Variants in CCDC148 observed in about 807,000 individuals in gnomAD.
The protein encoded by CCDC148 is coiled-coil domain containing 148, also known as coiled-coil domain-containing protein 148.
A neutral mutation model predicts 85.7 loss-of-function variants in CCDC148; 89 were observed. The ratio of observed to expected loss-of-function variants is 1.04; its 90% CI spans 0.87 to 1.24. The LOEUF is 1.24. Among genes scored for constraint, CCDC148 ranks in the 50% most tolerant of loss-of-function variants. CCDC148 has a pLI of 0.00. For synonymous variants in CCDC148, 230 were observed against 213.9 expected (o/e 1.08, Z -0.66); for missense variants, 692 against 671.7 (o/e 1.03, Z -0.33).
Position 158,214,994 on chromosome 2 carries a change from G to C in CCDC148, c.1370+5601C>G, listed in dbSNP as rs116330639. On this transcript the variant is annotated intron_variant, in intron 11 of 13. Coordinates refer to ENST00000283233, the MANE Select transcript of CCDC148 (RefSeq NM_138803.4). The stretch of plus-strand genomic sequence containing the variant: ...AGAATAGCTAAGATATTTTTGAAAA[G>C]AACAATGAGTGAACACTTGTTCTAC... Among the ~76,000 whole-genome samples the C allele has an allele frequency of 2.7e-3, 405 of 152,068 alleles. 2 individuals carry two copies. The highest frequency in any genetic ancestry group is 9.4e-3 in the African/African-American group (392 of 41,498).
chr2:158,438,599 G>A (rs1687780436), intron 1 of CCDC148, among the ~76,000 whole-genome samples: 1 of 151,994 alleles, frequency 6.6e-6, no homozygotes, highest in South Asian at 2.1e-4. Flanking sequence ...CAAAAGCAAT[G>A]GCAACAAAAG....
At chr2:158,353,474 CAAAG>C (rs1559092730) in intron 2 of CCDC148, among the ~76,000 whole-genome samples, 4 of 142,632 alleles carry the variant, frequency 2.8e-5, no homozygotes, top group African/African-American at 7.4e-5. Context: ...TCAAAAGAGA[CAAAG>C]AAGGCCATTA....
intron 7 of CCDC148, among the ~76,000 whole-genome samples, chr2:158,316,019 A>G (rs1692265828): frequency 6.6e-6 from 1 of 152,142 alleles, no homozygotes; most frequent in Non-Finnish European, 1.5e-5. Context: ...GCACCTCCCA[A>G]CAAATCTCTT....
chr2:158,176,493 C>A, intron 13 of CCDC148, 28 bp downstream of exon 13: 2 of 1,603,824 alleles, frequency 1.2e-6, no homozygotes, highest in South Asian at 1.1e-5. Flanking sequence ...ATGGCTTTTT[C>A]ATCAGTCATG....
At chr2:158,368,427 G>A (rs10933472) in intron 1 of CCDC148, among the ~76,000 whole-genome samples, 26,976 of 152,012 alleles carry the variant, frequency 0.18, 3,921 homozygotes, top group African/African-American at 0.4. Context: ...GAAATTCAAA[G>A]TGGCCACATC....
chr2:158,363,336 C>A (rs1220321764), intron 1 of CCDC148, among the ~76,000 whole-genome samples: 1 of 152,262 alleles, frequency 6.6e-6, no homozygotes, highest in Admixed American at 6.5e-5. Context: ...CATCCTGATA[C>A]CAAAACCTGG....
chr2:158,442,059 A>G (rs1347441458), intron 1 of CCDC148, among the ~76,000 whole-genome samples: 4 of 152,138 alleles, frequency 2.6e-5, no homozygotes, highest in African/African-American at 9.7e-5. Flanking sequence ...TTGTTATTAG[A>G]TTTGGCTGCC....
chr2:158,338,914 A>G lies in CCDC148; in HGVS notation c.583-7T>C. Reference sequence around the variant, plus strand: ...CCAAAGAATGATCTAGAATCTGAAAAAAAGTATATGATTATTTTATTTAAC... The same window carrying G: ...CCAAAGAATGATCTAGAATCTGAAAGAAAGTATATGATTATTTTATTTAAC... On this transcript the variant is annotated splice_region_variant and splice_polypyrimidine_tract_variant and intron_variant, in intron 6 of 13. Transcript: ENST00000283233. 1 of 1,600,476 alleles carries G rather than the reference A, an allele frequency of 6.2e-7. No homozygotes were observed. The highest frequency in any genetic ancestry group is 1.1e-5 in the South Asian group (1 of 88,004).
chr2:158,380,002 G>C (rs933347026), intron 1 of CCDC148, among the ~76,000 whole-genome samples: 12 of 151,978 alleles, frequency 7.9e-5, no homozygotes, highest in African/African-American at 2.9e-4. Context: ...TGCCCAGGCT[G>C]GTCTTGAACT....
At chr2:158,176,149 T>TAATTTATATTATG (rs1222873455) in intron 13 of CCDC148, among the ~76,000 whole-genome samples, 1 of 151,846 alleles carries the variant, frequency 6.6e-6, no homozygotes, top group African/African-American at 2.4e-5. Context: ...TTTATTAATA[T>TAATTTATATTATG]AATTTATATT....
chr2:158,395,301 C>T (rs80245160), intron 1 of CCDC148, among the ~76,000 whole-genome samples: 199 of 152,164 alleles, frequency 1.3e-3, no homozygotes, highest in Non-Finnish European at 2.1e-3. Context: ...TTCCACAGCC[C>T]AGTCACCCCA....
At chr2:158,250,231 A>T (rs1688734234) in intron 10 of CCDC148, among the ~76,000 whole-genome samples, 1 of 152,062 alleles carries the variant, frequency 6.6e-6, no homozygotes, top group South Asian at 2.1e-4. Flanking sequence ...TAGTTTTAAG[A>T]TTGTGCAACA....
intron 9 of CCDC148, among the ~76,000 whole-genome samples, chr2:158,254,094 A>T (rs1688915002): frequency 6.6e-6 from 1 of 151,730 alleles, no homozygotes; most frequent in Non-Finnish European, 1.5e-5. Context: ...AAAATGAGGG[A>T]TAAATTGATA....
chr2:158,201,694 G>C (rs1391418851), intron 11 of CCDC148, among the ~76,000 whole-genome samples: 1 of 152,092 alleles, frequency 6.6e-6, no homozygotes, highest in Non-Finnish European at 1.5e-5. Context: ...TTACAGGTGT[G>C]AGCCACCAAA....
At chr2:158,350,102 C>T (rs897233357) in intron 2 of CCDC148, among the ~76,000 whole-genome samples, 27 of 152,122 alleles carry the variant, frequency 1.8e-4, no homozygotes, top group Non-Finnish European at 3.7e-4. Flanking sequence ...GCCAGTTGAA[C>T]GTGAGCATCT....
intron 1 of CCDC148, among the ~76,000 whole-genome samples, chr2:158,413,195 C>A (rs1192232922): frequency 6.6e-6 from 1 of 151,960 alleles, no homozygotes; most frequent in Non-Finnish European, 1.5e-5. Flanking sequence ...GCATAAAAAG[C>A]AAAATGTTAA....
rs751502075 is a variant in CCDC148 at position 158,176,552 on chromosome 2, A to G, written c.1598T>C (p.Leu533Pro). The G allele has an allele frequency of 1.9e-6, 3 of 1,611,996 alleles. No homozygotes were observed. The highest frequency in any genetic ancestry group is 2.7e-5 in the African/African-American group (2 of 74,848). The change falls in exon 13 of 14, where the codon CTC becomes CCC. Residue 533 changes from leucine to proline, a missense_variant. Transcript: ENST00000283233. ...TTCATTGTATGTATTCAATGTGAAGAGTGGCTTTTGAAGAATAAATTCTTC... is the reference window on the plus strand; with the variant it reads ...TTCATTGTATGTATTCAATGTGAAGGGTGGCTTTTGAAGAATAAATTCTTC... ...IEEEFILQKP[L>P]FTLNTYNEQQ...
intron 1 of CCDC148, among the ~76,000 whole-genome samples, chr2:158,362,964 A>G (rs1395943795): frequency 6.6e-6 from 1 of 152,212 alleles, no homozygotes; most frequent in Non-Finnish European, 1.5e-5. Flanking sequence ...AATAGACACA[A>G]TAAAAAATGA....
At position 158,336,759 on chromosome 2, in the gene CCDC148, C is replaced by T. The variant is rs557601132; in HGVS notation, c.764+1967G>A. ...TCTTTTCAAATTCAACTCAATTGAA[C>T]AATCATTTATTTAAAGATGTTAAGG... On this transcript the variant is annotated intron_variant, in intron 7 of 13. Transcript: ENST00000283233. Among the ~76,000 whole-genome samples the T allele has an allele frequency of 1.7e-4, 26 of 152,186 alleles. 1 individual carries two copies. In the South Asian group the frequency reaches 4.3e-3, roughly 25 times the overall value.
Sources: allele counts gnomAD v4.1 joint callset (sites outside exome capture counted in the v4.1 genomes callset), GRCh38; gene constraint gnomAD v4.1.1; transcripts MANE v1.5; gene names NCBI Gene and HGNC (gene_info 2026-07-23, HGNC 2026-07-21).